The following GREB1L variants were observed in gnomAD, a reference collection of about 807,000 sequenced individuals.
The protein encoded by GREB1L is GREB1-like protein.
GREB1L carries 17 observed loss-of-function variants against 200.8 expected under a neutral mutation model. That is an observed-to-expected ratio of 0.08 (90% CI 0.06 to 0.13). The LOEUF (loss-of-function observed/expected upper bound fraction) is 0.13. GREB1L is among the 10% of genes least tolerant of loss of function. The pLI, the probability that GREB1L is intolerant of heterozygous loss-of-function variation, is 1.00. For synonymous variants in GREB1L, 789 were observed against 893.0 expected (o/e 0.88, Z 2.08); for missense variants, 1,657 against 2,367.7 (o/e 0.70, Z 6.23).
At chr18:21,283,651 C>T (rs2038307606) in intron 1 of GREB1L, among the ~76,000 whole-genome samples, 1 of 152,172 alleles carries the variant, frequency 6.6e-6, no homozygotes, top group African/African-American at 2.4e-5. Context: ...TGGAAGTTCT[C>T]AGCATCTAGG....
At chr18:21,496,831 A>G in intron 21 of GREB1L, 133 bp downstream of exon 21, 1 of 941,752 alleles carries the variant, frequency 1.1e-6, no homozygotes, top group Non-Finnish European at 1.6e-6. Flanking sequence ...CATCCTCTCC[A>G]GACCCAGCTC....
At chr18:21,274,249 AG>A (rs1472745730) in intron 1 of GREB1L, among the ~76,000 whole-genome samples, 1 of 152,150 alleles carries the variant, frequency 6.6e-6, no homozygotes, top group East Asian at 1.9e-4. Flanking sequence ...TTCATTCATG[AG>A]GGATATAACC....
At chr18:21,477,475 G>A (rs965792157) in intron 17 of GREB1L, 119 bp downstream of exon 17, 9 of 808,124 alleles carry the variant, frequency 1.1e-5, no homozygotes, top group East Asian at 5.9e-5. Flanking sequence ...AAAATCTAAC[G>A]TAATGCTTTA....
intron 15 of GREB1L, among the ~76,000 whole-genome samples, chr18:21,469,646 AATG>A (rs2035403988): frequency 6.6e-6 from 1 of 152,224 alleles, no homozygotes; most frequent in African/African-American, 2.4e-5. Flanking sequence ...AGAGCTAGGA[AATG>A]ATATGTATGT....
At position 21,420,233 on chromosome 18, in the gene GREB1L, A is replaced by G. The variant is rs146483366; in HGVS notation, c.832+16239A>G. Among the ~76,000 whole-genome samples, 1,153 of 152,022 alleles carry G rather than the reference A, an allele frequency of 7.6e-3. 15 individuals carry two copies. The highest frequency in any genetic ancestry group is 0.026 in the African/African-American group (1,075 of 41,490). ...TAAAAATACAAAAAGTTAGCCAGGCATGGTGGCGGGTGCCTGTAATCCCAG... is the reference window on the plus strand; with the variant it reads ...TAAAAATACAAAAAGTTAGCCAGGCGTGGTGGCGGGTGCCTGTAATCCCAG... On this transcript the variant is annotated intron_variant, in intron 7 of 32. Transcript: ENST00000424526.
intron 4 of GREB1L, among the ~76,000 whole-genome samples, chr18:21,392,935 C>T (rs1012929998): frequency 1.3e-4 from 20 of 151,964 alleles, no homozygotes; most frequent in Admixed American, 3.3e-4. Flanking sequence ...CCAGGCCCGA[C>T]TAATTTTTGT....
intron 1 of GREB1L, among the ~76,000 whole-genome samples, chr18:21,324,099 TC>T (rs1162307719): frequency 6.6e-6 from 1 of 152,216 alleles, no homozygotes; most frequent in Non-Finnish European, 1.5e-5. Context: ...CTGTTTCCAG[TC>T]ACTGGGAATT....
chr18:21,249,123 CTA>C (rs2037656264), intron 1 of GREB1L, among the ~76,000 whole-genome samples: 2 of 151,914 alleles, frequency 1.3e-5, no homozygotes, highest in African/African-American at 4.8e-5. Flanking sequence ...TGTCGTGAAA[CTA>C]TTTCTATTGT....
At chr18:21,404,777 G>A (rs983265927) in intron 7 of GREB1L, among the ~76,000 whole-genome samples, 4 of 152,206 alleles carry the variant, frequency 2.6e-5, no homozygotes, top group Non-Finnish European at 4.4e-5. Context: ...TAGGCAAGAA[G>A]GAAAGTATTT....
intron 28 of GREB1L, among the ~76,000 whole-genome samples, chr18:21,514,376 G>A (rs976422455): frequency 3.9e-5 from 6 of 152,164 alleles, no homozygotes; most frequent in East Asian, 1.9e-4. Context: ...TTAGCTGAGC[G>A]TGGTGGCGCA....
At chr18:21,493,618 G>A (rs1189912638) in intron 19 of GREB1L, among the ~76,000 whole-genome samples, 1 of 152,106 alleles carries the variant, frequency 6.6e-6, no homozygotes. Context: ...TATAATCCCA[G>A]CACTTTGGGA....
rs538784195 is a variant in GREB1L at position 21,321,787 on chromosome 18, G to T, written c.-119-44240G>T. On this transcript the variant is annotated intron_variant, in intron 1 of 32. Coordinates refer to ENST00000424526, the MANE Select transcript of GREB1L (RefSeq NM_001142966.3). ...AATAATTTGTGCATTAATGGAAAAAGCATGTCGTTATCTCCATAGATGTCA... is the reference window on the plus strand; with the variant it reads ...AATAATTTGTGCATTAATGGAAAAATCATGTCGTTATCTCCATAGATGTCA... 8.9e-4 allele frequency among the ~76,000 whole-genome samples: 135 copies of T among 152,306 alleles called. 1 individual carries two copies. Among genetic ancestry groups the T allele is most frequent in the Non-Finnish European group, 1.6e-3 (112 of 68,032 alleles).
At chr18:21,306,126 A>G (rs1434858644) in intron 1 of GREB1L, among the ~76,000 whole-genome samples, 1 of 152,188 alleles carries the variant, frequency 6.6e-6, no homozygotes, top group Non-Finnish European at 1.5e-5. Flanking sequence ...CACTAGAATT[A>G]TGCACCATGA....
intron 17 of GREB1L, among the ~76,000 whole-genome samples, chr18:21,477,740 T>C (rs1252060248): frequency 6.6e-6 from 1 of 150,862 alleles, no homozygotes; most frequent in Admixed American, 6.6e-5. Flanking sequence ...GAGCGGAGAT[T>C]GTGCCACTGC....
chr18:21,505,405 GTCC>G lies in GREB1L; in HGVS notation c.4073-5_4073-3del. 1 of 1,549,808 alleles carries G rather than the reference GTCC, an allele frequency of 6.5e-7. No homozygotes were observed. Among genetic ancestry groups the G allele is most frequent in the Non-Finnish European group, 8.7e-7 (1 of 1,146,872 alleles). On this transcript the variant is annotated splice_region_variant and splice_polypyrimidine_tract_variant and intron_variant, in intron 23 of 32. Transcript: ENST00000424526. Reference sequence around the variant, plus strand: ...CACCTGCTCTGCACACTTCCTTCTTGTCCTAGATCACAATGAAAGCAGTGAAGT... The same window carrying G: ...CACCTGCTCTGCACACTTCCTTCTTGTAGATCACAATGAAAGCAGTGAAGT...
In GREB1L at chr18:21,523,014, A is replaced by G; in HGVS notation, c.*193A>G. 1.9e-6 allele frequency: 1 copy of G among 527,148 alleles called. No homozygotes were observed. The highest frequency in any genetic ancestry group is 3.3e-6 in the Non-Finnish European group (1 of 303,696). 32.7% of individuals were successfully genotyped at this position (527,148 alleles called of 1,614,324 possible). A position where few individuals can be genotyped will look rare whatever the true frequency, so the allele number is the denominator to read the frequency against. Reference sequence around the variant, plus strand: ...ATCACTTTCCTTCAGTTCCAATTACAGGACCCTTAAATTCAGGTAAACTCT... The same window carrying G: ...ATCACTTTCCTTCAGTTCCAATTACGGGACCCTTAAATTCAGGTAAACTCT... On this transcript the variant is annotated 3_prime_UTR_variant, in exon 33 of 33. Transcript: ENST00000424526.
chr18:21,395,855 G>A (rs1189029932), intron 5 of GREB1L, among the ~76,000 whole-genome samples: 6 of 150,634 alleles, frequency 4.0e-5, no homozygotes, highest in East Asian at 2.0e-4. Flanking sequence ...TCAGCCTCCC[G>A]AGTAGCTGGG....
chr18:21,366,853 C>T (rs2039698292), intron 2 of GREB1L, among the ~76,000 whole-genome samples: 1 of 152,126 alleles, frequency 6.6e-6, no homozygotes, highest in South Asian at 2.1e-4. Context: ...AGGGTCATTG[C>T]CACTTCAGCC....
intron 1 of GREB1L, among the ~76,000 whole-genome samples, chr18:21,263,098 A>G (rs1390350996): frequency 6.6e-6 from 1 of 152,172 alleles, no homozygotes; most frequent in African/African-American, 2.4e-5. Flanking sequence ...TTGCAGTGCC[A>G]GGGAAGGTGG....
Sources: allele counts gnomAD v4.1 joint callset (sites outside exome capture counted in the v4.1 genomes callset), GRCh38; gene constraint gnomAD v4.1.1; transcripts MANE v1.5; gene names NCBI Gene and HGNC (gene_info 2026-07-23, HGNC 2026-07-21).